The following ARL15 variants were observed in gnomAD, a reference collection of about 807,000 sequenced individuals.
The protein encoded by ARL15 is ARF like GTPase 15.
In ARL15, 19 loss-of-function variants were observed where a neutral mutation model predicts 25.2. The ratio of observed to expected loss-of-function variants is 0.75; its 90% CI spans 0.53 to 1.10. The LOEUF (loss-of-function observed/expected upper bound fraction) is 1.10, where lower values mean the gene tolerates loss of function less well. Among genes scored for constraint, ARL15 ranks in the 50% least tolerant of loss-of-function variants. ARL15 has a pLI of 0.00. For synonymous variants in ARL15, 94 were observed against 86.8 expected (o/e 1.08, Z -0.46); for missense variants, 220 against 246.0 (o/e 0.89, Z 0.71).
At chr5:54,128,323 G>C (rs1409259625) in intron 3 of ARL15, among the ~76,000 whole-genome samples, 1 of 152,164 alleles carries the variant, frequency 6.6e-6, no homozygotes, top group Non-Finnish European at 1.5e-5. Context: ...TACATGCCTA[G>C]TTCTTTATGA....
intron 3 of ARL15, among the ~76,000 whole-genome samples, chr5:54,145,358 TAAATGCAAC>T (rs919090550): frequency 2.6e-5 from 4 of 152,220 alleles, no homozygotes. Flanking sequence ...CGCAAGAAAT[TAAATGCAAC>T]AAATTTTTGA....
At chr5:54,063,081 T>A (rs1365923771) in intron 4 of ARL15, among the ~76,000 whole-genome samples, 1 of 152,190 alleles carries the variant, frequency 6.6e-6, no homozygotes, top group Non-Finnish European at 1.5e-5. Context: ...CAAAAAGAAA[T>A]TCTTCATACA....
intron 1 of ARL15, among the ~76,000 whole-genome samples, chr5:54,251,730 T>C (rs1290151884): frequency 1.3e-5 from 2 of 152,224 alleles, no homozygotes; most frequent in Non-Finnish European, 2.9e-5. Context: ...TAAGAACACC[T>C]GTAGTGTAAT....
chr5:54,079,568 T>G (rs1296524590), intron 4 of ARL15, among the ~76,000 whole-genome samples: 1 of 152,164 alleles, frequency 6.6e-6, no homozygotes, highest in African/African-American at 2.4e-5. Flanking sequence ...AATGCTATTT[T>G]CAAATGAACA....
intron 4 of ARL15, among the ~76,000 whole-genome samples, chr5:53,968,376 C>T (rs1392882399): frequency 3.3e-5 from 5 of 152,070 alleles, no homozygotes; most frequent in East Asian, 3.9e-4. Context: ...TTTAAACATT[C>T]GTGGGAGGAT....
chr5:54,199,650 G>A (rs1755655176), intron 1 of ARL15, among the ~76,000 whole-genome samples: 1 of 151,556 alleles, frequency 6.6e-6, no homozygotes, highest in Non-Finnish European at 1.5e-5. Flanking sequence ...AACAACAGGT[G>A]CTGGAGAGGA....
intron 4 of ARL15, among the ~76,000 whole-genome samples, chr5:54,014,485 C>T (rs1749347666): frequency 6.6e-6 from 1 of 151,552 alleles, no homozygotes; most frequent in African/African-American, 2.4e-5. Flanking sequence ...CTCTTGTCCC[C>T]CATCCCATAA....
intron 1 of ARL15, among the ~76,000 whole-genome samples, chr5:54,279,958 T>C (rs1758013114): frequency 6.6e-6 from 1 of 152,206 alleles, no homozygotes; most frequent in South Asian, 2.1e-4. Flanking sequence ...ACCATGGCAT[T>C]CGTGCAGAAA....
chr5:54,192,084 A>G (rs1016735346), intron 1 of ARL15, among the ~76,000 whole-genome samples: 2 of 151,984 alleles, frequency 1.3e-5, no homozygotes, highest in Non-Finnish European at 1.5e-5. Flanking sequence ...GTAACATCCA[A>G]CTTCAGGACC....
In ARL15 at chr5:54,198,360, C is replaced by T. The variant is rs575086826; in HGVS notation, c.49-26432G>A. ...AGGAAAAGAGGAAGTCAAATTGTCC[C>T]TGTTTGCAGACGACACAATTGGATA... On this transcript the variant is annotated intron_variant, in intron 1 of 4. Coordinates refer to ENST00000504924, the MANE Select transcript of ARL15 (RefSeq NM_019087.3). 3.9e-5 allele frequency among the ~76,000 whole-genome samples: 6 copies of T among 152,302 alleles called. No homozygotes were observed. In the East Asian group the frequency reaches 9.6e-4, roughly 24 times the overall value.
At chr5:54,208,559 C>G (rs1755942338) in intron 1 of ARL15, among the ~76,000 whole-genome samples, 1 of 152,152 alleles carries the variant, frequency 6.6e-6, no homozygotes, top group African/African-American at 2.4e-5. Context: ...AACAATGATG[C>G]TGCTCTGGAT....
chr5:53,925,165 T>C (rs1341314883), intron 4 of ARL15, among the ~76,000 whole-genome samples: 6 of 151,978 alleles, frequency 3.9e-5, no homozygotes, highest in Admixed American at 3.3e-4. Flanking sequence ...ACTTGGGCCA[T>C]TTAAAAACCT....
intron 1 of ARL15, among the ~76,000 whole-genome samples, chr5:54,304,022 G>A (rs1011564438): frequency 6.6e-6 from 1 of 152,316 alleles, no homozygotes; most frequent in South Asian, 2.1e-4. Context: ...AGAGTCCTTG[G>A]GGACAAGGGC....
At chr5:54,178,287 T>C (rs1754943990) in intron 1 of ARL15, among the ~76,000 whole-genome samples, 1 of 152,254 alleles carries the variant, frequency 6.6e-6, no homozygotes, top group African/African-American at 2.4e-5. Flanking sequence ...TACATGATTT[T>C]ATTCTGAGCA....
intron 4 of ARL15, among the ~76,000 whole-genome samples, chr5:53,977,356 A>AC (rs1404243312): frequency 1.7e-5 from 2 of 117,416 alleles, no homozygotes; most frequent in East Asian, 4.0e-4. Context: ...CTCCGCCTCA[A>AC]AAAAAAAAAA....
chr5:54,105,881 G>A (rs954977339), intron 4 of ARL15, among the ~76,000 whole-genome samples: 36 of 152,220 alleles, frequency 2.4e-4, no homozygotes, highest in African/African-American at 8.7e-4. Context: ...TTAAAACCAT[G>A]TCATTATGTT....
At chr5:54,061,427 T>C (rs967922515) in intron 4 of ARL15, among the ~76,000 whole-genome samples, 3 of 152,146 alleles carry the variant, frequency 2.0e-5, no homozygotes, top group South Asian at 2.1e-4. Context: ...CTGACTACCA[T>C]AGTGAAACCC....
intron 4 of ARL15, among the ~76,000 whole-genome samples, chr5:54,016,957 G>C (rs1229981981): frequency 6.6e-6 from 1 of 152,172 alleles, no homozygotes; most frequent in Non-Finnish European, 1.5e-5. Context: ...CTCTGTAAAT[G>C]ATGATAAGCC....
intron 4 of ARL15, among the ~76,000 whole-genome samples, chr5:53,958,661 T>C (rs1747253521): frequency 6.6e-6 from 1 of 152,188 alleles, no homozygotes; most frequent in Admixed American, 6.5e-5. Context: ...AACCATATAC[T>C]GTTTATAAGA....
Sources: gnomAD v4.1 joint callset for allele counts (sites outside exome capture counted in the v4.1 genomes callset) on GRCh38, gnomAD v4.1.1 for gene constraint, MANE v1.5 for transcripts, NCBI Gene and HGNC (gene_info 2026-07-23, HGNC 2026-07-21) for gene names.